TXK: variants seen among roughly 807,000 people sequenced by gnomAD.
TXK encodes TXK tyrosine kinase.
Under a neutral mutation model 81.0 loss-of-function variants are expected in TXK, and 60 were observed. The ratio of observed to expected loss-of-function variants is 0.74; its 90% CI spans 0.60 to 0.92. The LOEUF (loss-of-function observed/expected upper bound fraction) is 0.92. Among genes scored for constraint, TXK ranks in the 40% least tolerant of loss-of-function variants. TXK has a pLI of 0.00. For synonymous variants in TXK, 203 were observed against 210.7 expected (o/e 0.96, Z 0.32); for missense variants, 581 against 638.3 (o/e 0.91, Z 0.97).
chr4:48,120,051 C>T (rs961244976), intron 1 of TXK, among the ~76,000 whole-genome samples: 1 of 146,562 alleles, frequency 6.8e-6, no homozygotes, highest in African/African-American at 2.5e-5. Flanking sequence ...CCATTTTTCC[C>T]CCTCTACTGG....
At chr4:48,072,084 A>G (rs1292931433) in intron 13 of TXK, among the ~76,000 whole-genome samples, 2 of 151,412 alleles carry the variant, frequency 1.3e-5, no homozygotes, top group Non-Finnish European at 2.9e-5. Flanking sequence ...GCTCACTGCA[A>G]CCTCTGTCTC....
At chr4:48,127,001 T>C (rs1284251240) in intron 1 of TXK, among the ~76,000 whole-genome samples, 1 of 152,204 alleles carries the variant, frequency 6.6e-6, no homozygotes, top group African/African-American at 2.4e-5. Flanking sequence ...TGTTTCCTGA[T>C]TCAATAGCAA....
intron 6 of TXK, 64 bp downstream of exon 6, chr4:48,104,837 T>G (rs1253053439): frequency 8.1e-7 from 1 of 1,237,418 alleles, no homozygotes; most frequent in Admixed American, 2.2e-5. Flanking sequence ...CTTTTTTAGT[T>G]GGTTAAAGTC....
chr4:48,132,341 C>T (rs1355654959), intron 1 of TXK, among the ~76,000 whole-genome samples: 2 of 152,132 alleles, frequency 1.3e-5, no homozygotes, highest in African/African-American at 4.8e-5. Context: ...ATTTCCAAAA[C>T]TGCACATGGG....
At chr4:48,123,200 G>C (rs1433504962) in intron 1 of TXK, among the ~76,000 whole-genome samples, 1 of 152,032 alleles carries the variant, frequency 6.6e-6, no homozygotes, top group Non-Finnish European at 1.5e-5. Flanking sequence ...TAAAGAAAAG[G>C]AAAAACCCAG....
intron 1 of TXK, among the ~76,000 whole-genome samples, chr4:48,130,596 G>C (rs1332236515): frequency 6.6e-6 from 1 of 152,148 alleles, no homozygotes; most frequent in African/African-American, 2.4e-5. Flanking sequence ...CTAATCACAA[G>C]AAGTGAGGTA....
intron 1 of TXK, among the ~76,000 whole-genome samples, chr4:48,124,280 C>A (rs1719028450): frequency 2.0e-5 from 3 of 152,136 alleles, no homozygotes. Flanking sequence ...CCTTCTAACA[C>A]CCACACCACC....
chr4:48,082,917 G>A (rs568380389), intron 10 of TXK, among the ~76,000 whole-genome samples: 1 of 152,232 alleles, frequency 6.6e-6, no homozygotes, highest in East Asian at 1.9e-4. Context: ...CCCCTGTCCA[G>A]CTTCCCATCC....
In TXK at chr4:48,067,535, C is replaced by T. The variant is rs1398199489; in HGVS notation, c.*102G>A. On this transcript the variant is annotated 3_prime_UTR_variant, in exon 15 of 15. Coordinates refer to ENST00000264316, the MANE Select transcript of TXK (RefSeq NM_003328.3). ...GCACTGTTTTCAAGAGTCAGCAACT[C>T]TGAAGAAAGATATTCACCATAAGTG... The T allele has an allele frequency of 9.7e-6, 12 of 1,235,422 alleles. No individual in the cohort carries two copies. Among genetic ancestry groups the T allele is most frequent in the Non-Finnish European group, 1.4e-5 (12 of 850,172 alleles). The allele number at this position is 1,235,422 out of a possible 1,614,324, so 76.5% of individuals were successfully genotyped here. A position where few individuals can be genotyped will look rare whatever the true frequency, so the allele number is the denominator to read the frequency against.
rs1411435873 is a variant in TXK, at chr4:48,067,494, A to T, written c.*143T>A. The T allele has an allele frequency of 5.9e-6, 5 of 852,840 alleles. No individual in the cohort carries two copies. The highest frequency in any genetic ancestry group is 9.3e-6 in the Non-Finnish European group (5 of 537,616). 52.8% of individuals were successfully genotyped at this position (852,840 alleles called of 1,614,324 possible). A position where few individuals can be genotyped will look rare whatever the true frequency, so the allele number is the denominator to read the frequency against. ...ATATTCTTAAATTTTTAAAACTTTT[A>T]AAAACTGTGATCTTTGCACTGTTTT... On this transcript the variant is annotated 3_prime_UTR_variant, in exon 15 of 15. Coordinates refer to ENST00000264316, the MANE Select transcript of TXK (RefSeq NM_003328.3).
intron 10 of TXK, among the ~76,000 whole-genome samples, chr4:48,084,923 C>CGAGAATGGGT (rs1234656236): frequency 6.6e-6 from 1 of 150,856 alleles, no homozygotes. Context: ...TCCAGTTAAT[C>CGAGAATGGGT]ACCTCTGATT....
chr4:48,110,695 G>A, intron 4 of TXK, 92 bp from the exon 5 acceptor site: 1 of 910,066 alleles, frequency 1.1e-6, no homozygotes, highest in Non-Finnish European at 1.7e-6. Flanking sequence ...AGGATGTAGG[G>A]GGGAAATCAA....
rs1718403502 is a variant in TXK, at chr4:48,104,944, C to T, written c.458G>A (p.Arg153Lys). The change falls in exon 6 of 15, where the codon AGA (arginine) becomes AAA (lysine). Residue 153 changes from arginine to lysine, a missense_variant. Transcript: ENST00000264316. ...TTCTGCCTGATTTCTGGTAATGTTT[C>T]TATGGTACCACCTGTAAAAGCAATA... is the stretch of plus-strand genomic sequence containing the variant. ...TNLEIYEWYH[R>K]NITRNQAEHL... is the part of the protein sequence containing the mutation. The T allele has an allele frequency of 1.3e-6, 2 of 1,590,022 alleles. No homozygotes were observed. The highest frequency in any genetic ancestry group is 8.6e-7 in the Non-Finnish European group (1 of 1,168,334).
chr4:48,118,416 T>C (rs1015132168), intron 1 of TXK, among the ~76,000 whole-genome samples: 1 of 152,226 alleles, frequency 6.6e-6, no homozygotes, highest in Middle Eastern at 3.2e-3. Context: ...TGCATGCTTA[T>C]GAAGCTTTCT....
chr4:48,105,918 C>G (rs752781115), intron 5 of TXK, among the ~76,000 whole-genome samples: 1 of 152,030 alleles, frequency 6.6e-6, no homozygotes, highest in African/African-American at 2.4e-5. Flanking sequence ...CAGAAGTACA[C>G]ACAGTAAACA....
intron 1 of TXK, among the ~76,000 whole-genome samples, chr4:48,115,021 ATTTC>A (rs893910196): frequency 5.1e-5 from 7 of 137,486 alleles, no homozygotes; most frequent in Admixed American, 3.6e-4. Context: ...AGGTATTGGT[ATTTC>A]TTTCTTTCTT....
Position 48,128,561 on chromosome 4 carries a change from C to CTTTTT in TXK, c.16+5589_16+5593dup, listed in dbSNP as rs58431850. ...TGCCATAAATGCCCACCACTACATC[C>CTTTTT]TTTTTTTTTTTTTTTTTTTTTTGAG... On this transcript the variant is annotated intron_variant, in intron 1 of 14. Transcript: ENST00000264316. 5.5e-4 allele frequency among the ~76,000 whole-genome samples: 47 copies of CTTTTT among 85,298 alleles called. 1 individual carries two copies. Among genetic ancestry groups the CTTTTT allele is most frequent in the African/African-American group, 7.5e-4 (16 of 21,288 alleles). The allele number at this position is 85,298 out of a possible 152,430, so 56.0% of individuals were successfully genotyped here.
Position 48,067,591 on chromosome 4 carries a change from T to C in TXK, c.*46A>G, listed in dbSNP as rs1226832519. 1.3e-6 allele frequency: 2 copies of C among 1,581,730 alleles called. No individual in the cohort carries two copies. The highest frequency in any genetic ancestry group is 1.7e-6 in the Non-Finnish European group (2 of 1,150,332). On this transcript the variant is annotated 3_prime_UTR_variant, in exon 15 of 15. Coordinates refer to ENST00000264316, the MANE Select transcript of TXK (RefSeq NM_003328.3). Reference sequence around the variant, plus strand: ...ATATGGTGAAGATATTCACAATAAATGACAGTTTTGCAAGATGACTCTTTG... The same window carrying C: ...ATATGGTGAAGATATTCACAATAAACGACAGTTTTGCAAGATGACTCTTTG...
chr4:48,125,731 CAGAG>C (rs1275342568), intron 1 of TXK, among the ~76,000 whole-genome samples: 3 of 152,196 alleles, frequency 2.0e-5, no homozygotes, highest in African/African-American at 7.2e-5. Flanking sequence ...AGGGTGAACA[CAGAG>C]AGAGGTTTCT....
Sources: gnomAD v4.1 joint callset for allele counts (sites outside exome capture counted in the v4.1 genomes callset) on GRCh38, gnomAD v4.1.1 for gene constraint, MANE v1.5 for transcripts, NCBI Gene and HGNC (gene_info 2026-07-23, HGNC 2026-07-21) for gene names.